The following PAFAH2 variants were observed in gnomAD, a reference collection of about 807,000 sequenced individuals.
PAFAH2 encodes platelet-activating factor acetylhydrolase 2, cytoplasmic.
PAFAH2 carries 42 observed loss-of-function variants against 49.0 expected under a neutral mutation model. That is an observed-to-expected ratio of 0.86 (90% confidence interval 0.67 to 1.11). The LOEUF (loss-of-function observed/expected upper bound fraction) is 1.11. Ranked by LOEUF, PAFAH2 falls within the 50% of genes least tolerant of loss-of-function variation. The pLI, the probability that PAFAH2 is intolerant of heterozygous loss-of-function variation, is 0.00. For synonymous variants in PAFAH2, 184 were observed against 181.3 expected (o/e 1.01, Z -0.12); for missense variants, 503 against 501.8 (o/e 1.00, Z -0.02).
At chr1:25,993,945 A>C (rs2049906233) in intron 1 of PAFAH2, among the ~76,000 whole-genome samples, 1 of 152,262 alleles carries the variant, frequency 6.6e-6, no homozygotes, top group East Asian at 1.9e-4. Flanking sequence ...AGGAGAGAGC[A>C]AGCAAAGGCA....
At chr1:25,980,611 T>TTTTATATATATATATATA (rs369555868) in intron 7 of PAFAH2, among the ~76,000 whole-genome samples, 1 of 74,206 alleles carries the variant, frequency 1.3e-5, no homozygotes, top group African/African-American at 3.2e-5. Flanking sequence ...TGGGCCATAT[T>TTTTATATATATATATATA]TATATATATA....
At chr1:25,978,725 A>G (rs1436544459) in intron 7 of PAFAH2, among the ~76,000 whole-genome samples, 2 of 152,220 alleles carry the variant, frequency 1.3e-5, no homozygotes, top group African/African-American at 4.8e-5. Flanking sequence ...GTGAGAGGGT[A>G]GAGCCATATG....
intron 3 of PAFAH2, 104 bp downstream of exon 3, chr1:25,989,344 A>T: frequency 9.2e-7 from 1 of 1,088,310 alleles, no homozygotes; most frequent in Non-Finnish European, 1.2e-6. Context: ...CCCCTTACAA[A>T]AGCCTGGACA....
At chr1:25,982,262 A>G (rs1255700406) in intron 7 of PAFAH2, 102 bp downstream of exon 7, 15 of 833,492 alleles carry the variant, frequency 1.8e-5, no homozygotes, top group Non-Finnish European at 2.6e-5. Flanking sequence ...ATATGAGCCA[A>G]TCAATTCTCT....
In PAFAH2 at chr1:25,983,946, C is replaced by G. The variant is rs763024532; in HGVS notation, c.552G>C (p.Gln184His). 6.2e-7 allele frequency: 1 copy of G among 1,614,086 alleles called. No individual in the cohort carries two copies. Among genetic ancestry groups the G allele is most frequent in the South Asian group, 1.1e-5 (1 of 91,076 alleles). The change falls in exon 6 of 11, where the codon CAG becomes CAC. Residue 184 changes from glutamine to histidine, a missense_variant and splice_region_variant. Physicochemically the swap from Gln to His is conservative, Grantham distance 24. Transcript: ENST00000374282. ...GEKEFHVRNP[Q>H]VHQRVSECLR... ...CCCTCCCCAACTGGCACAAACTTAC[C>G]TGGGGATTCCGAACATGAAATTCCT...
intron 7 of PAFAH2, among the ~76,000 whole-genome samples, chr1:25,981,544 G>A (rs1236015836): frequency 6.6e-6 from 1 of 152,072 alleles, no homozygotes; most frequent in African/African-American, 2.4e-5. Flanking sequence ...TCTTCTCCCC[G>A]CCATCCATCT....
At chr1:25,976,032 G>T (rs939214370) in intron 8 of PAFAH2, among the ~76,000 whole-genome samples, 1 of 152,206 alleles carries the variant, frequency 6.6e-6, no homozygotes, top group South Asian at 2.1e-4. Flanking sequence ...CAGGGCCTTT[G>T]CATTAGCTAT....
Position 25,988,343 on chromosome 1 carries a change from G to A in PAFAH2, c.245-16C>T, listed in dbSNP as rs2049818082. On this transcript the variant is annotated splice_polypyrimidine_tract_variant and intron_variant, in intron 3 of 10. Transcript: ENST00000374282. Reference sequence around the variant, plus strand: ...CGACAAGATCCTAGCAGAGACATGGGCTATAGAATATCTGGCTGCCCCAAA... The same window carrying A: ...CGACAAGATCCTAGCAGAGACATGGACTATAGAATATCTGGCTGCCCCAAA... 6.3e-7 allele frequency: 1 copy of A among 1,593,266 alleles called. No homozygotes were observed. The highest frequency in any genetic ancestry group is 1.3e-5 in the African/African-American group (1 of 74,350).
chr1:25,977,054 G>A (rs1318861909), intron 7 of PAFAH2, among the ~76,000 whole-genome samples: 3 of 120,360 alleles, frequency 2.5e-5, no homozygotes, highest in African/African-American at 6.5e-5. Flanking sequence ...ACGGAGTCTC[G>A]CTCTGTCGCC....
chr1:25,978,763 A>G (rs1278774294), intron 7 of PAFAH2, among the ~76,000 whole-genome samples: 1 of 152,240 alleles, frequency 6.6e-6, no homozygotes, highest in Non-Finnish European at 1.5e-5. Flanking sequence ...GGGATCCCTG[A>G]GTTGCCTCTT....
chr1:25,977,570 G>A (rs567832083), intron 7 of PAFAH2, among the ~76,000 whole-genome samples: 8 of 150,442 alleles, frequency 5.3e-5, no homozygotes, highest in Admixed American at 2.0e-4. Flanking sequence ...TGAGAGGATC[G>A]CTTGAGCTCA....
intron 7 of PAFAH2, among the ~76,000 whole-genome samples, chr1:25,980,037 G>T (rs1161522636): frequency 6.6e-6 from 1 of 152,232 alleles, no homozygotes; most frequent in Non-Finnish European, 1.5e-5. Context: ...TCCAGGGTCT[G>T]CCTTACCTAC....
rs113046265 is a variant in PAFAH2 at position 25,984,751 on chromosome 1, T to C, written c.342-223A>G. The stretch of plus-strand genomic sequence containing the variant: ...TAAATACAACTTGCCCAATTTCCAA[T>C]TGATACAGGGAGATCAGGTTCTTAA... On this transcript the variant is annotated intron_variant, in intron 4 of 10. Coordinates refer to ENST00000374282, the MANE Select transcript of PAFAH2 (RefSeq NM_000437.4). 2.2e-3 allele frequency among the ~76,000 whole-genome samples: 331 copies of C among 152,310 alleles called. 1 individual carries two copies. Among genetic ancestry groups the C allele is most frequent in the African/African-American group, 7.2e-3 (301 of 41,580 alleles).
At position 25,962,055 on chromosome 1, in the gene PAFAH2, G is replaced by T. The variant is rs774319261; in HGVS notation, c.1113C>A (p.Asn371Lys). ...LDLKEDYNQW[N>K]NLIEGIGPSL... ...ACGGTCCAATGCCTTCAATAAGGTTGTTCCATTGATTATAGTCTTCTTTCA... is the reference window on the plus strand; with the variant it reads ...ACGGTCCAATGCCTTCAATAAGGTTTTTCCATTGATTATAGTCTTCTTTCA... Residue 371 changes from asparagine (N) to lysine (K), a missense_variant, in exon 11 of 11, where the codon AAC (asparagine) becomes AAA (lysine). By Grantham distance (94) the Asn-to-Lys change is moderately conservative (BLOSUM62 0). Transcript: ENST00000374282. The T allele has an allele frequency of 1.6e-5, 26 of 1,613,798 alleles. No individual in the cohort carries two copies. The South Asian group carries it at 2.7e-4, about 17-fold the overall frequency.
rs547058170 is a variant in PAFAH2 at position 25,991,314 on chromosome 1, C to T, written c.-47-451G>A. 9.9e-5 allele frequency among the ~76,000 whole-genome samples: 15 copies of T among 152,046 alleles called. No homozygotes were observed. In the South Asian group the frequency reaches 2.7e-3, roughly 27 times the overall value. On this transcript the variant is annotated intron_variant, in intron 1 of 10. Coordinates refer to ENST00000374282, the MANE Select transcript of PAFAH2 (RefSeq NM_000437.4). ...CTTTTTTTTTTGAGACGGAGTCTCG[C>T]TCTGTTGCTAGGCTGGAGTGCAGTG... is the stretch of plus-strand genomic sequence containing the variant.
At chr1:25,982,543 C>T (rs111687524) in intron 6 of PAFAH2, 66 bp from the exon 7 acceptor site, 27 of 1,226,802 alleles carry the variant, frequency 2.2e-5, no homozygotes, top group African/African-American at 1.2e-4. Flanking sequence ...ATCTCCCTCA[C>T]GTACAGAGCC....
intron 7 of PAFAH2, among the ~76,000 whole-genome samples, chr1:25,980,882 T>G (rs1389933971): frequency 6.6e-6 from 1 of 151,826 alleles, no homozygotes; most frequent in Non-Finnish European, 1.5e-5. Flanking sequence ...CTGGGCATGG[T>G]GGCGCACACC....
At chr1:25,982,021 CAAA>C (rs748065781) in intron 7 of PAFAH2, among the ~76,000 whole-genome samples, 4 of 95,380 alleles carry the variant, frequency 4.2e-5, no homozygotes, top group Non-Finnish European at 4.5e-5. Flanking sequence ...ACTTTGTCTC[CAAA>C]AAAAAAAAAA....
chr1:25,981,771 A>G (rs2049691881), intron 7 of PAFAH2, among the ~76,000 whole-genome samples: 3 of 152,216 alleles, frequency 2.0e-5, no homozygotes, highest in Non-Finnish European at 4.4e-5. Flanking sequence ...CTGTAATCCC[A>G]GCACTTAGGG....
Sources: gnomAD v4.1 joint callset for allele counts (sites outside exome capture counted in the v4.1 genomes callset) on GRCh38, gnomAD v4.1.1 for gene constraint, MANE v1.5 for transcripts, NCBI Gene and HGNC (gene_info 2026-07-23, HGNC 2026-07-21) for gene names.